Variants in PTPRM observed in about 807,000 individuals in gnomAD.
The protein encoded by PTPRM is receptor-type tyrosine-protein phosphatase mu.
PTPRM carries 47 observed loss-of-function variants against 186.7 expected under a neutral mutation model. The ratio of observed to expected loss-of-function variants is 0.25; its 90% CI spans 0.20 to 0.32. The LOEUF is 0.32. Among genes scored for constraint, PTPRM ranks in the 10% least tolerant of loss-of-function variants. The pLI, the probability that PTPRM is intolerant of heterozygous loss-of-function variation, is 1.00. For synonymous variants in PTPRM, 668 were observed against 674.9 expected, an observed-to-expected ratio of 0.99 and a Z score of 0.16; for missense variants, 1,494 against 1,865.0, an observed-to-expected ratio of 0.80 and a Z score of 3.66.
At position 7,831,014 on chromosome 18, in the gene PTPRM, G is replaced by T. The variant is rs936977242; in HGVS notation, c.196+56743G>T. On this transcript the variant is annotated intron_variant, in intron 2 of 32. Transcript: ENST00000580170. Reference sequence around the variant, plus strand: ...GCAGTGAGAAGATTTGTAAAAGAAGGGGTTAAATATATTTTGTGATGTTCC... The same window carrying T: ...GCAGTGAGAAGATTTGTAAAAGAAGTGGTTAAATATATTTTGTGATGTTCC... Among the ~76,000 whole-genome samples, 15 of 152,078 alleles carry T rather than the reference G, an allele frequency of 9.9e-5. No individual in the cohort carries two copies. The East Asian group carries it at 2.9e-3, about 29-fold the overall frequency.
chr18:7,924,010 A>G (rs749514104), intron 4 of PTPRM, among the ~76,000 whole-genome samples: 7 of 152,398 alleles, frequency 4.6e-5, no homozygotes, highest in Non-Finnish European at 7.3e-5. Flanking sequence ...AATTTAGATT[A>G]GAACAAGGAA....
chr18:7,994,618 C>T (rs2083438838), intron 7 of PTPRM, among the ~76,000 whole-genome samples: 1 of 152,094 alleles, frequency 6.6e-6, no homozygotes, highest in Non-Finnish European at 1.5e-5. Context: ...GTCAAAATCA[C>T]TTCAAGTATT....
At chr18:8,112,090 A>G (rs1429208478) in intron 11 of PTPRM, among the ~76,000 whole-genome samples, 1 of 152,212 alleles carries the variant, frequency 6.6e-6, no homozygotes, top group Non-Finnish European at 1.5e-5. Context: ...GATAGAAAGT[A>G]TCTGCTGTTT....
chr18:7,930,831 G>A (rs936697499), intron 5 of PTPRM, among the ~76,000 whole-genome samples: 8 of 151,846 alleles, frequency 5.3e-5, no homozygotes, highest in African/African-American at 9.7e-5. Context: ...TCACAATAAC[G>A]TAACGTAAAT....
chr18:8,395,121 A>T (rs775325169), intron 32 of PTPRM, among the ~76,000 whole-genome samples: 1 of 152,218 alleles, frequency 6.6e-6, no homozygotes, highest in Non-Finnish European at 1.5e-5. Flanking sequence ...TTTTCTTAAG[A>T]GTATTTTATG....
rs10541123 is a variant in PTPRM, at chr18:7,854,731, G to GTTTTT, written c.197-33361_197-33357dup. On this transcript the variant is annotated intron_variant, in intron 2 of 32. Transcript: ENST00000580170. ...TTTTTAAACTTTTGAAATGTTAGGA[G>GTTTTT]TTTTTTTTTTTTTTTTTTACAACTG... 6.3e-4 allele frequency among the ~76,000 whole-genome samples: 89 copies of GTTTTT among 141,966 alleles called. 1 individual carries two copies. The highest frequency in any genetic ancestry group is 2.2e-3 in the African/African-American group (85 of 38,846). The allele number at this position is 141,966 out of a possible 152,430, so 93.1% of individuals were successfully genotyped here. A position where few individuals can be genotyped will look rare whatever the true frequency, so the allele number is the denominator to read the frequency against.
rs1568674684 is a variant in PTPRM at position 8,289,539 on chromosome 18, T to TATATATATAC, written c.2755-6820_2755-6819insCATATATATA. On this transcript the variant is annotated intron_variant, in intron 19 of 32. Transcript: ENST00000580170. ...GTATATATATACATATATATACACA[T>TATATATATAC]ATATATATATACATATATATACACA... Among the ~76,000 whole-genome samples the TATATATATAC allele has an allele frequency of 1.3e-3, 73 of 56,660 alleles. 2 individuals are homozygous for TATATATATAC. The highest frequency in any genetic ancestry group is 7.7e-3 in the African/African-American group (63 of 8,160). 37.2% of individuals were successfully genotyped at this position (56,660 alleles called of 152,430 possible).
At chr18:7,855,773 C>T (rs930266023) in intron 2 of PTPRM, among the ~76,000 whole-genome samples, 5 of 152,184 alleles carry the variant, frequency 3.3e-5, no homozygotes, top group African/African-American at 1.2e-4. Context: ...ACTGTTTCCT[C>T]TGGCTAGCAC....
chr18:8,296,951 T>C (rs986362749), intron 20 of PTPRM, among the ~76,000 whole-genome samples: 3 of 152,172 alleles, frequency 2.0e-5, no homozygotes, highest in Admixed American at 6.5e-5. Context: ...ACAACACTCA[T>C]TAGCAAAAGA....
intron 14 of PTPRM, among the ~76,000 whole-genome samples, chr18:8,156,949 A>C (rs939789704): frequency 2.6e-5 from 4 of 152,116 alleles, no homozygotes; most frequent in Admixed American, 2.0e-4. Flanking sequence ...AATGGTGAGG[A>C]TGCTGTATCC....
rs1297516832 is a variant in PTPRM at position 7,571,157 on chromosome 18, G to T, written c.73+3266G>T. ...GGTTTTCACCATGTTGGCCAGGATGGTCTCAATCTCTTGACCTTGTGATCT... is the reference window on the plus strand; with the variant it reads ...GGTTTTCACCATGTTGGCCAGGATGTTCTCAATCTCTTGACCTTGTGATCT... On this transcript the variant is annotated intron_variant, in intron 1 of 32. Coordinates refer to ENST00000580170, the MANE Select transcript of PTPRM (RefSeq NM_001105244.2). 4.6e-5 allele frequency among the ~76,000 whole-genome samples: 7 copies of T among 152,102 alleles called. No homozygotes were observed. The East Asian group carries it at 1.2e-3, about 25-fold the overall frequency.
chr18:7,842,240 G>A lies in PTPRM; in HGVS notation c.197-45866G>A, dbSNP rs192986768. Among the ~76,000 whole-genome samples, 5 of 152,332 alleles carry A rather than the reference G, an allele frequency of 3.3e-5. No homozygotes were observed. The East Asian group carries it at 9.6e-4, about 29-fold the overall frequency. ...ACACGAGGGTGATATGAACAATTAT[G>A]TGAGAACAATAGGTATAAGCCAGGG... On this transcript the variant is annotated intron_variant, in intron 2 of 32. Coordinates refer to ENST00000580170, the MANE Select transcript of PTPRM (RefSeq NM_001105244.2).
At chr18:8,055,195 CATT>C (rs2087833179) in intron 7 of PTPRM, among the ~76,000 whole-genome samples, 1 of 152,154 alleles carries the variant, frequency 6.6e-6, no homozygotes, top group Non-Finnish European at 1.5e-5. Flanking sequence ...ATTTCTCAGA[CATT>C]ATGTCTTCAG....
chr18:8,315,490 G>T (rs1601772193), intron 21 of PTPRM, among the ~76,000 whole-genome samples: 1 of 152,204 alleles, frequency 6.6e-6, no homozygotes, highest in Non-Finnish European at 1.5e-5. Context: ...AATTCTTTAG[G>T]AGACAGCATG....
At chr18:7,852,206 A>G (rs1352731146) in intron 2 of PTPRM, among the ~76,000 whole-genome samples, 1 of 152,232 alleles carries the variant, frequency 6.6e-6, no homozygotes, top group Non-Finnish European at 1.5e-5. Context: ...TTGTTAGATC[A>G]GATAAAAAAG....
At chr18:7,964,265 T>C (rs370710781) in intron 7 of PTPRM, among the ~76,000 whole-genome samples, 1 of 152,220 alleles carries the variant, frequency 6.6e-6, no homozygotes, top group African/African-American at 2.4e-5. Context: ...GCTTATACTT[T>C]TGTGACTGCC....
chr18:8,021,480 C>T lies in PTPRM; in HGVS notation c.1133-48206C>T, dbSNP rs547295304. Among the ~76,000 whole-genome samples the T allele has an allele frequency of 1.8e-3, 255 of 140,918 alleles. 1 individual carries two copies. Among genetic ancestry groups the T allele is most frequent in the African/African-American group, 5.3e-3 (195 of 36,944 alleles). The allele number at this position is 140,918 out of a possible 152,430, so 92.4% of individuals were successfully genotyped here. A position where few individuals can be genotyped will look rare whatever the true frequency, so the allele number is the denominator to read the frequency against. On this transcript the variant is annotated intron_variant, in intron 7 of 32. Transcript: ENST00000580170. ...AACCCGTCATCTAGATTTTAAGCCC[C>T]GCGTGCATTAGGTATTTGTCCTAAG... is the stretch of plus-strand genomic sequence containing the variant.
chr18:8,101,957 C>T (rs1412255129), intron 11 of PTPRM, among the ~76,000 whole-genome samples: 3 of 152,168 alleles, frequency 2.0e-5, no homozygotes, highest in Non-Finnish European at 4.4e-5. Context: ...GGAGTTATTG[C>T]AGGCTCAGTT....
intron 1 of PTPRM, among the ~76,000 whole-genome samples, chr18:7,731,151 T>G (rs1263185674): frequency 6.6e-6 from 1 of 152,222 alleles, no homozygotes; most frequent in Non-Finnish European, 1.5e-5. Flanking sequence ...AGAACAGCAC[T>G]TCTTCATCAA....
Sources: gnomAD v4.1 joint callset for allele counts (sites outside exome capture counted in the v4.1 genomes callset) on GRCh38, gnomAD v4.1.1 for gene constraint, MANE v1.5 for transcripts, NCBI Gene and HGNC (gene_info 2026-07-23, HGNC 2026-07-21) for gene names.